P4HA1: variants seen among roughly 807,000 people sequenced by gnomAD.
P4HA1 encodes the protein prolyl 4-hydroxylase subunit alpha-1.
Under a neutral mutation model 72.8 loss-of-function variants are expected in P4HA1, and 24 were observed. The observed-to-expected ratio is 0.33, with a 90% CI of 0.24 to 0.46. The LOEUF (loss-of-function observed/expected upper bound fraction) is 0.46. Ranked by LOEUF, P4HA1 falls within the 20% of genes least tolerant of loss-of-function variation. The pLI is 1.00. For missense variants in P4HA1, 446 were observed against 640.6 expected (o/e 0.70, Z 3.28); for synonymous variants, 201 against 218.8 (o/e 0.92, Z 0.72).
At chr10:73,070,990 T>C (rs1430871232) in intron 4 of P4HA1, among the ~76,000 whole-genome samples, 1 of 152,132 alleles carries the variant, frequency 6.6e-6, no homozygotes, top group African/African-American at 2.4e-5. Context: ...GAGATCAGCC[T>C]GGGCAACATA....
intron 10 of P4HA1, among the ~76,000 whole-genome samples, chr10:73,022,237 T>A (rs1004649439): frequency 5.3e-5 from 8 of 152,080 alleles, no homozygotes; most frequent in Non-Finnish European, 8.8e-5. Context: ...AACCTCCCAG[T>A]AGGGGCCGAC....
intron 1 of P4HA1, among the ~76,000 whole-genome samples, chr10:73,093,794 G>C (rs1461364311): frequency 7.8e-6 from 1 of 127,396 alleles, no homozygotes; most frequent in Non-Finnish European, 1.6e-5. Context: ...AGTGGGCCGA[G>C]ATTGCACCAC....
chr10:73,016,558 C>T (rs2133038638), intron 11 of P4HA1, among the ~76,000 whole-genome samples: 1 of 152,348 alleles, frequency 6.6e-6, no homozygotes, highest in South Asian at 2.1e-4. Context: ...GGGTGGATCA[C>T]CTGAGGTCAG....
At chr10:73,076,849 A>C (rs549960709) in intron 1 of P4HA1, among the ~76,000 whole-genome samples, 1 of 152,234 alleles carries the variant, frequency 6.6e-6, no homozygotes, top group East Asian at 1.9e-4. Flanking sequence ...TCGTCTTCCT[A>C]TGTGACGTGA....
chr10:73,058,602 T>G (rs1236123941), intron 5 of P4HA1, among the ~76,000 whole-genome samples: 1 of 151,982 alleles, frequency 6.6e-6, no homozygotes, highest in East Asian at 1.9e-4. Flanking sequence ...TCTCTAAGTT[T>G]CCCAATAAAT....
At chr10:73,089,314 A>G (rs554680565) in intron 1 of P4HA1, among the ~76,000 whole-genome samples, 4 of 152,198 alleles carry the variant, frequency 2.6e-5, no homozygotes, top group Non-Finnish European at 5.9e-5. Context: ...ACTCTGCTGA[A>G]TTAACCTATT....
At chr10:73,048,529 T>C (rs1840930586) in intron 7 of P4HA1, among the ~76,000 whole-genome samples, 1 of 152,172 alleles carries the variant, frequency 6.6e-6, no homozygotes, top group African/African-American at 2.4e-5. Flanking sequence ...CCTCCCAAAG[T>C]GCTGAGATTA....
chr10:73,088,833 T>G (rs1841971981), intron 1 of P4HA1, among the ~76,000 whole-genome samples: 1 of 152,262 alleles, frequency 6.6e-6, no homozygotes, highest in South Asian at 2.1e-4. Flanking sequence ...AATTCTCTAT[T>G]TTGTTCAATT....
intron 1 of P4HA1, among the ~76,000 whole-genome samples, chr10:73,086,441 G>T (rs1304829362): frequency 2.0e-5 from 3 of 152,220 alleles, no homozygotes; most frequent in Non-Finnish European, 4.4e-5. Flanking sequence ...ATTAGTGGTT[G>T]CCCAGGGTTA....
chr10:73,021,655 A>T (rs1013899827), intron 10 of P4HA1, among the ~76,000 whole-genome samples: 2 of 152,202 alleles, frequency 1.3e-5, no homozygotes, highest in African/African-American at 4.8e-5. Flanking sequence ...GTGGGTGCAG[A>T]CCATAGAGAA....
At chr10:73,008,986 A>G (rs576721248) in intron 14 of P4HA1, among the ~76,000 whole-genome samples, 11 of 152,120 alleles carry the variant, frequency 7.2e-5, no homozygotes, top group African/African-American at 2.7e-4. Flanking sequence ...TTGCTCTCCA[A>G]CCCTTTCACT....
At chr10:73,066,761 G>A (rs1217248325) in intron 5 of P4HA1, among the ~76,000 whole-genome samples, 1 of 152,158 alleles carries the variant, frequency 6.6e-6, no homozygotes, top group Non-Finnish European at 1.5e-5. Context: ...TCTTGTGACA[G>A]TGAGTTCTCA....
intron 10 of P4HA1, among the ~76,000 whole-genome samples, chr10:73,029,897 G>C (rs1840394751): frequency 1.3e-5 from 2 of 151,896 alleles, no homozygotes; most frequent in African/African-American, 4.8e-5. Flanking sequence ...AAGGAAAACT[G>C]TTTGCTTAAA....
At chr10:73,077,318 A>G (rs1475766721) in intron 1 of P4HA1, among the ~76,000 whole-genome samples, 2 of 152,246 alleles carry the variant, frequency 1.3e-5, no homozygotes, top group African/African-American at 4.8e-5. Context: ...CTCTGATAAG[A>G]GAGTTTAGAT....
At chr10:73,077,311 TGATAA>T (rs1227694608) in intron 1 of P4HA1, among the ~76,000 whole-genome samples, 1 of 152,256 alleles carries the variant, frequency 6.6e-6, no homozygotes, top group African/African-American at 2.4e-5. Context: ...CTTTTAACTC[TGATAA>T]GAGAGTTTAG....
In P4HA1 at chr10:73,072,108, T is replaced by G; in HGVS notation, c.246A>C (p.Val82=). The G allele has an allele frequency of 1.2e-6, 2 of 1,611,852 alleles. No individual in the cohort carries two copies. The highest frequency in any genetic ancestry group is 1.7e-6 in the Non-Finnish European group (2 of 1,177,980). The change falls in exon 4 of 15, where the codon GTA becomes GTC. Residue 82 remains valine, a synonymous_variant. Coordinates refer to ENST00000394890, the MANE Select transcript of P4HA1 (RefSeq NM_001017962.3). ...KDPEGFVGHP[V]NAFKLMKRLN... ...GACGTTTCATTAATTTGAATGCATT[T>G]ACTGGATGCCCAACAAATCCTTCTG...
At chr10:73,031,793 C>CTA (rs1271452623) in intron 9 of P4HA1, among the ~76,000 whole-genome samples, 2 of 152,148 alleles carry the variant, frequency 1.3e-5, no homozygotes, top group East Asian at 3.8e-4. Flanking sequence ...GATACGGGAA[C>CTA]TATATCTCAA....
At chr10:73,041,961 T>TCA (rs1277823019) in intron 9 of P4HA1, among the ~76,000 whole-genome samples, 1 of 151,990 alleles carries the variant, frequency 6.6e-6, no homozygotes, top group East Asian at 1.9e-4. Context: ...TCCTCCCACC[T>TCA]CAGCCTCCCA....
At chr10:73,084,693 A>G (rs1841891214) in intron 1 of P4HA1, among the ~76,000 whole-genome samples, 1 of 152,230 alleles carries the variant, frequency 6.6e-6, no homozygotes. Flanking sequence ...TCTTTAGAAA[A>G]TGACCGTTAT....
Sources: gnomAD v4.1 joint callset for allele counts (sites outside exome capture counted in the v4.1 genomes callset) on GRCh38, gnomAD v4.1.1 for gene constraint, MANE v1.5 for transcripts, NCBI Gene and HGNC (gene_info 2026-07-23, HGNC 2026-07-21) for gene names.